The following SUMO3 variants were observed in gnomAD, a reference collection of about 807,000 sequenced individuals.
The protein encoded by SUMO3 is small ubiquitin-related modifier 3.
A neutral mutation model predicts 11.1 loss-of-function variants in SUMO3; 2 were observed. The observed-to-expected ratio is 0.18, with a 90% CI of 0.07 to 0.57. The LOEUF is 0.57. SUMO3 is among the 20% of genes least tolerant of loss of function. The probability of loss-of-function intolerance (pLI) is 0.92; values close to 1 mark genes in which losing one functional copy is unlikely to be tolerated. For synonymous variants in SUMO3, 56 were observed against 53.5 expected, an observed-to-expected ratio of 1.05 and a Z score of -0.20; for missense variants, 70 against 132.8, an observed-to-expected ratio of 0.53 and a Z score of 2.32.
Position 44,810,974 on chromosome 21 carries a change from G to GCACACACC in SUMO3, c.151-1864_151-1857dup, listed in dbSNP as rs2083206852. 8.0e-6 allele frequency among the ~76,000 whole-genome samples: 1 copy of GCACACACC among 124,906 alleles called. No homozygotes were observed. The highest frequency in any genetic ancestry group is 3.2e-5 in the African/African-American group (1 of 31,374). 81.9% of individuals were successfully genotyped at this position (124,906 alleles called of 152,430 possible). A position where few individuals can be genotyped will look rare whatever the true frequency, so the allele number is the denominator to read the frequency against. ...CACACACCCACACATGCACACCCAT[G>GCACACACC]CACACACCCATGCACACACCCACAC... On this transcript the variant is annotated intron_variant, in intron 2 of 3. Transcript: ENST00000332859. This position sits in a 1 kb window ranked among gnomAD's most constrained non-coding sequence, Gnocchi z 4.1.
intron 1 of SUMO3, among the ~76,000 whole-genome samples, chr21:44,817,506 G>A (rs187742411): frequency 2.6e-4 from 40 of 152,172 alleles, no homozygotes; most frequent in African/African-American, 8.7e-4. Flanking sequence ...ACTCGACACA[G>A]GATCCCGCAC....
chr21:44,815,770 G>A (rs1172264086), intron 1 of SUMO3, among the ~76,000 whole-genome samples: 2 of 152,176 alleles, frequency 1.3e-5, no homozygotes, highest in East Asian at 1.9e-4. Flanking sequence ...GGGCAGGGCA[G>A]GGCCGGCCAC....
rs2083177131 is a variant in SUMO3 at position 44,806,402 on chromosome 21, C to T, written c.*549G>A. 1 of 152,480 alleles carries T rather than the reference C, an allele frequency of 6.6e-6. No homozygotes were observed. The highest frequency in any genetic ancestry group is 2.4e-5 in the African/African-American group (1 of 41,428). 9.4% of individuals were successfully genotyped at this position (152,480 alleles called of 1,614,324 possible). ...CTTTGAAGAAGCATTCCAGTATTTT[C>T]CCTTCAACTTTTCCATATACTGACA... On this transcript the variant is annotated 3_prime_UTR_variant, in exon 4 of 4. Coordinates refer to ENST00000332859, the MANE Select transcript of SUMO3 (RefSeq NM_006936.3).
In SUMO3 at chr21:44,818,014, G is replaced by C. The variant is rs2083260049; in HGVS notation, c.-46C>G. On this transcript the variant is annotated 5_prime_UTR_variant, in exon 1 of 4. Coordinates refer to ENST00000332859, the MANE Select transcript of SUMO3 (RefSeq NM_006936.3). ...GAGGCGGCGCGGGGGAAGCAGCGCG[G>C]AGCGGGCGAGTCACGCTCTCGGCCC... The C allele has an allele frequency of 3.4e-6, 4 of 1,174,402 alleles. No homozygotes were observed. The highest frequency in any genetic ancestry group is 8.4e-5 in the South Asian group (2 of 23,806). 72.7% of individuals were successfully genotyped at this position (1,174,402 alleles called of 1,614,324 possible).
rs1451337958 is a variant in SUMO3 at position 44,806,727 on chromosome 21, C to G, written c.*224G>C. ...AAAGTACCCACAATATCTTGCAACT[C>G]ATTTTACCTGAACAAAGATAACAAT... On this transcript the variant is annotated 3_prime_UTR_variant, in exon 4 of 4. Transcript: ENST00000332859. 1 of 1,195,368 alleles carries G rather than the reference C, an allele frequency of 8.4e-7. No homozygotes were observed. The highest frequency in any genetic ancestry group is 1.1e-6 in the Non-Finnish European group (1 of 899,492). 74.0% of individuals were successfully genotyped at this position (1,195,368 alleles called of 1,614,324 possible).
chr21:44,816,855 C>A (rs1157078293), intron 1 of SUMO3, among the ~76,000 whole-genome samples: 2 of 134,212 alleles, frequency 1.5e-5, no homozygotes, highest in Non-Finnish European at 3.2e-5. Context: ...TGGGCGCACA[C>A]CGTGGGGCGT....
At chr21:44,812,053 C>CTTTTTTTTTTTT (rs386394862) in intron 2 of SUMO3, among the ~76,000 whole-genome samples, 4 of 80,958 alleles carry the variant, frequency 4.9e-5, no homozygotes, top group African/African-American at 4.5e-5. Context: ...AACTTCTCAC[C>CTTTTTTTTTTTT]TTTTTTTTTT....
chr21:44,818,017 C>T lies in SUMO3; in HGVS notation c.-49G>A, dbSNP rs2083260083. The T allele has an allele frequency of 1.7e-6, 2 of 1,170,812 alleles. No homozygotes were observed. Among genetic ancestry groups the T allele is most frequent in the Non-Finnish European group, 2.1e-6 (2 of 948,290 alleles). 72.5% of individuals were successfully genotyped at this position (1,170,812 alleles called of 1,614,324 possible). The stretch of plus-strand genomic sequence containing the variant: ...GCGGCGCGGGGGAAGCAGCGCGGAG[C>T]GGGCGAGTCACGCTCTCGGCCCCGC... On this transcript the variant is annotated 5_prime_UTR_variant, in exon 1 of 4. Coordinates refer to ENST00000332859, the MANE Select transcript of SUMO3 (RefSeq NM_006936.3).
chr21:44,808,555 G>C (rs763297398), intron 3 of SUMO3: 1 of 1,400,486 alleles, frequency 7.1e-7, no homozygotes, highest in African/African-American at 1.5e-5. Context: ...CTCTTTCCAT[G>C]ACAGTATGAT....
chr21:44,807,111 G>A lies in SUMO3; in HGVS notation c.223-71C>T. On this transcript the variant is annotated intron_variant, in intron 3 of 3. Coordinates refer to ENST00000332859, the MANE Select transcript of SUMO3 (RefSeq NM_006936.3). This position sits in a 1 kb window ranked among gnomAD's most constrained non-coding sequence, Gnocchi z 4.3. Reference sequence around the variant, plus strand: ...GTTAGTTTTCATCAGAGAGTGGGAAGATCCTCACTGGCATGAGTGTTCCCT... The same window carrying A: ...GTTAGTTTTCATCAGAGAGTGGGAAAATCCTCACTGGCATGAGTGTTCCCT... The A allele has an allele frequency of 2.6e-6, 4 of 1,564,772 alleles. No homozygotes were observed. The highest frequency in any genetic ancestry group is 3.4e-5 in the Admixed American group (2 of 58,160).
rs939653598 is a variant in SUMO3 at position 44,814,175 on chromosome 21, T to C, written c.22-71A>G. ...AACCGCGACTTGAATGGGCAAGTCT[T>C]TAGGTAATTGTTGGCTTTTTAAAGT... On this transcript the variant is annotated intron_variant, in intron 1 of 3. Coordinates refer to ENST00000332859, the MANE Select transcript of SUMO3 (RefSeq NM_006936.3). 7.0e-6 allele frequency: 11 copies of C among 1,574,368 alleles called. No individual in the cohort carries two copies. The African/African-American group carries it at 1.5e-4, about 21-fold the overall frequency.
Position 44,806,744 on chromosome 21 carries a change from G to A in SUMO3, c.*207C>T. On this transcript the variant is annotated 3_prime_UTR_variant, in exon 4 of 4. Transcript: ENST00000332859. The stretch of plus-strand genomic sequence containing the variant: ...TTGCAACTCATTTTACCTGAACAAA[G>A]ATAACAATTCTGATTGGCCCAATTT... The A allele has an allele frequency of 1.5e-6, 2 of 1,298,282 alleles. No homozygotes were observed. The highest frequency in any genetic ancestry group is 2.0e-6 in the Non-Finnish European group (2 of 989,096). The allele number at this position is 1,298,282 out of a possible 1,614,324, so 80.4% of individuals were successfully genotyped here.
intron 2 of SUMO3, among the ~76,000 whole-genome samples, chr21:44,812,370 A>T (rs1173012505): frequency 6.6e-6 from 1 of 152,052 alleles, no homozygotes; most frequent in African/African-American, 2.4e-5. Context: ...ATAAGCCACC[A>T]TGCCTGGTGA....
Position 44,807,833 on chromosome 21 carries a change from C to T in SUMO3, c.223-793G>A, listed in dbSNP as rs927495759. On this transcript the variant is annotated intron_variant, in intron 3 of 3. Transcript: ENST00000332859. The surrounding 1 kb of genome is among the most constrained non-coding windows in gnomAD (Gnocchi z 4.3). ...CCTGTCCACAGCCAGCCCCCTGACC[C>T]CCAGTCAAGCCCCAGAGACTCCACG... is the stretch of plus-strand genomic sequence containing the variant. 5.3e-5 allele frequency among the ~76,000 whole-genome samples: 8 copies of T among 152,170 alleles called. No individual in the cohort carries two copies. The highest frequency in any genetic ancestry group is 2.0e-4 in the Admixed American group (3 of 15,270).
At chr21:44,815,408 A>AC (rs1449060721) in intron 1 of SUMO3, among the ~76,000 whole-genome samples, 2 of 151,168 alleles carry the variant, frequency 1.3e-5, no homozygotes, top group Non-Finnish European at 3.0e-5. Context: ...GGCGGCACTC[A>AC]CCCCCCGACT....
chr21:44,813,792 T>C, intron 2 of SUMO3, 184 bp downstream of exon 2: 2 of 1,499,720 alleles, frequency 1.3e-6, no homozygotes, highest in African/African-American at 1.4e-5. Flanking sequence ...TAAAAGGCCA[T>C]GGGGGACAAG....
At chr21:44,814,932 G>A (rs916701027) in intron 1 of SUMO3, among the ~76,000 whole-genome samples, 7 of 152,254 alleles carry the variant, frequency 4.6e-5, no homozygotes, top group African/African-American at 1.7e-4. Flanking sequence ...GATGTCAAGA[G>A]ACTGGGAGCC....
In SUMO3 at chr21:44,814,120, G is replaced by C; in HGVS notation, c.22-16C>G. On this transcript the variant is annotated splice_polypyrimidine_tract_variant and intron_variant, in intron 1 of 3. Transcript: ENST00000332859. ...TCACACCCTCCTGCAGAAGACACCAGAGACTGGCCTCAAAACTGTGTCTCA... is the reference window on the plus strand; with the variant it reads ...TCACACCCTCCTGCAGAAGACACCACAGACTGGCCTCAAAACTGTGTCTCA... The C allele has an allele frequency of 1.2e-6, 2 of 1,605,948 alleles. No individual in the cohort carries two copies. The highest frequency in any genetic ancestry group is 1.7e-6 in the Non-Finnish European group (2 of 1,173,238).
rs909577334 is a variant in SUMO3 at position 44,805,969 on chromosome 21, A to C, written c.*982T>G. On this transcript the variant is annotated 3_prime_UTR_variant, in exon 4 of 4. Coordinates refer to ENST00000332859, the MANE Select transcript of SUMO3 (RefSeq NM_006936.3). The stretch of plus-strand genomic sequence containing the variant: ...CCTATTTGGAAAGCAGCACGGCACA[A>C]ACCCACGAGAAGAACATGAAGTCAT... The C allele has an allele frequency of 2.0e-5, 3 of 152,382 alleles. No individual in the cohort carries two copies. Among genetic ancestry groups the C allele is most frequent in the African/African-American group, 7.2e-5 (3 of 41,466 alleles). 9.4% of individuals were successfully genotyped at this position (152,382 alleles called of 1,614,324 possible).
Sources: allele counts gnomAD v4.1 joint callset (sites outside exome capture counted in the v4.1 genomes callset), GRCh38; gene constraint gnomAD v4.1.1; non-coding constraint Gnocchi (gnomAD v3.1); transcripts MANE v1.5; gene names NCBI Gene and HGNC (gene_info 2026-07-23, HGNC 2026-07-21).